Variants in PRKX observed in about 807,000 individuals in gnomAD.
The protein encoded by PRKX is cAMP-dependent protein kinase catalytic subunit PRKX.
PRKX carries 12 observed loss-of-function variants against 22.0 expected under a neutral mutation model. The observed-to-expected ratio is 0.54, with a 90% CI of 0.35 to 0.88. PRKX has a LOEUF of 0.88. PRKX is among the 40% of genes least tolerant of loss of function. PRKX has a pLI of 0.01. For missense variants in PRKX, 217 were observed against 308.0 expected, an observed-to-expected ratio of 0.70 and a Z score of 2.21; for synonymous variants, 134 against 137.7, an observed-to-expected ratio of 0.97 and a Z score of 0.19.
At chrX:3,710,403 T>C (rs1166045299) in intron 1 of PRKX, among the ~76,000 whole-genome samples, 2 of 111,670 alleles carry the variant, frequency 1.8e-5, no homozygotes, top group African/African-American at 6.5e-5. Flanking sequence ...TTTCTTTTTC[T>C]CTCTGTCGCC....
chrX:3,689,774 G>A (rs898885283), intron 1 of PRKX, among the ~76,000 whole-genome samples: 7 of 111,679 alleles, frequency 6.3e-5, no homozygotes, highest in Admixed American at 9.5e-5. Flanking sequence ...TCAGGAGATC[G>A]AGACCATCCT....
At chrX:3,667,402 A>G (rs1212415614) in intron 2 of PRKX, 1 of 109,016 alleles carries the variant, frequency 9.2e-6, no homozygotes, top group African/African-American at 3.4e-5. Context: ...TCCTCATCCC[A>G]TCTCCTCCAA....
rs1409809974 is a variant in PRKX at position 3,612,192 on chromosome X, T to C, written c.*8A>G. ...AAAGATATACCTTCCAGATGTGAGC[T>C]CCTGTCCTCAGAAATTCTTGAAGAT... On this transcript the variant is annotated 3_prime_UTR_variant, in exon 8 of 9. Transcript: ENST00000262848. 5 of 1,207,476 alleles carry C rather than the reference T, an allele frequency of 4.1e-6. No homozygotes were observed. The highest frequency in any genetic ancestry group is 5.6e-6 in the Non-Finnish European group (5 of 893,483).
intron 4 of PRKX, among the ~76,000 whole-genome samples, chrX:3,638,667 CGGTA>C (rs1380538300): frequency 9.0e-6 from 1 of 110,762 alleles, no homozygotes; most frequent in African/African-American, 3.3e-5. Flanking sequence ...ACCAACAGGC[CGGTA>C]GGTAGGTAGA....
At chrX:3,652,653 A>G in intron 3 of PRKX, among the ~76,000 whole-genome samples, 1 of 112,188 alleles carries the variant, frequency 8.9e-6, no homozygotes, top group Non-Finnish European at 1.9e-5. Flanking sequence ...GTGTGTACGG[A>G]AACATATCTA....
intron 8 of PRKX, among the ~76,000 whole-genome samples, chrX:3,609,166 GGTTT>G (rs199855407): frequency 0.015 from 1,646 of 111,264 alleles, 38 homozygotes; most frequent in African/African-American, 0.051. Context: ...GGGTTTTTTT[GGTTT>G]GTTTGTTTGA....
intron 4 of PRKX, among the ~76,000 whole-genome samples, chrX:3,633,279 A>C (rs1011203092): frequency 2.8e-5 from 3 of 107,476 alleles, no homozygotes; most frequent in Non-Finnish European, 5.8e-5. Context: ...AACAAAAAAA[A>C]CGCTCATGCA....
intron 4 of PRKX, among the ~76,000 whole-genome samples, chrX:3,630,423 G>A (rs1209816527): frequency 3.6e-5 from 4 of 111,370 alleles, no homozygotes; most frequent in East Asian, 5.7e-4. Context: ...AGCCAGGCGT[G>A]GTGGCGGGCG....
intron 1 of PRKX, among the ~76,000 whole-genome samples, chrX:3,705,877 A>C (rs112553174): frequency 0.025 from 2,626 of 106,475 alleles, 75 homozygotes; most frequent in African/African-American, 0.068. Context: ...TTTTTAGTAG[A>C]GACGGGGTTT....
chrX:3,615,671 C>A, intron 7 of PRKX, 144 bp downstream of exon 7: 1 of 539,132 alleles, frequency 1.9e-6, no homozygotes, highest in Admixed American at 3.6e-5. Flanking sequence ...GGGAACTTGG[C>A]TTATGAACAG....
rs770616386 is a variant in PRKX at position 3,689,837 on chromosome X, T to C, written c.167-15071A>G. Among the ~76,000 whole-genome samples, 217 of 110,004 alleles carry C rather than the reference T, an allele frequency of 2.0e-3. 1 individual carries two copies. Among genetic ancestry groups the C allele is most frequent in the East Asian group, 2.9e-3 (10 of 3,453 alleles). On this transcript the variant is annotated intron_variant, in intron 1 of 8. Transcript: ENST00000262848. ...CTAAAAATACAAAAAATTAGCCGAG[T>C]GTGGTGGCGGAAGCCTGTAGTCCCA...
chrX:3,695,843 A>G (rs1928432739), intron 1 of PRKX, among the ~76,000 whole-genome samples: 1 of 111,901 alleles, frequency 8.9e-6, no homozygotes, highest in African/African-American at 3.2e-5. Flanking sequence ...ATGACACATC[A>G]GAAAGAGTGC....
chrX:3,678,888 A>G (rs1000453920), intron 1 of PRKX, among the ~76,000 whole-genome samples: 6 of 111,150 alleles, frequency 5.4e-5, no homozygotes, highest in African/African-American at 9.8e-5. Flanking sequence ...GCTTTGCCCA[A>G]TAAGACATAA....
chrX:3,704,105 C>T (rs1172877645), intron 1 of PRKX, among the ~76,000 whole-genome samples: 7 of 111,977 alleles, frequency 6.3e-5, no homozygotes, highest in South Asian at 3.7e-4. Context: ...GAATCGGAGA[C>T]GCCGGGAAAA....
At chrX:3,689,835 A>G (rs192702812) in intron 1 of PRKX, among the ~76,000 whole-genome samples, 1,351 of 111,002 alleles carry the variant, frequency 0.012, 22 homozygotes, top group African/African-American at 0.036. Flanking sequence ...AAATTAGCCG[A>G]GTGTGGTGGC....
intron 1 of PRKX, among the ~76,000 whole-genome samples, chrX:3,705,062 G>A (rs1198484425): frequency 8.9e-6 from 1 of 111,956 alleles, no homozygotes; most frequent in Admixed American, 9.5e-5. Flanking sequence ...GCCGCGTGGG[G>A]TGAATAGAGC....
At chrX:3,705,811 C>G (rs1928670380) in intron 1 of PRKX, among the ~76,000 whole-genome samples, 1 of 107,853 alleles carries the variant, frequency 9.3e-6, no homozygotes, top group African/African-American at 3.4e-5. Context: ...CTCAGCCTCC[C>G]CAGCAGCTGG....
chrX:3,689,050 A>C (rs1320617415), intron 1 of PRKX, among the ~76,000 whole-genome samples: 1 of 112,176 alleles, frequency 8.9e-6, no homozygotes, highest in Non-Finnish European at 1.9e-5. Context: ...TAACTTTCTC[A>C]CCTTTTAAAA....
At chrX:3,696,725 CT>C (rs1303444669) in intron 1 of PRKX, among the ~76,000 whole-genome samples, 1 of 112,117 alleles carries the variant, frequency 8.9e-6, no homozygotes, top group African/African-American at 3.2e-5. Flanking sequence ...ATAAGACAGA[CT>C]TTTTTTTGTT....
Sources: allele counts gnomAD v4.1 joint callset (sites outside exome capture counted in the v4.1 genomes callset), GRCh38; gene constraint gnomAD v4.1.1; transcripts MANE v1.5; gene names NCBI Gene and HGNC (gene_info 2026-07-23, HGNC 2026-07-21).